The following AOPEP variants were observed in gnomAD, a reference collection of about 807,000 sequenced individuals.
AOPEP encodes aminopeptidase O.
Under a neutral mutation model 98.1 loss-of-function variants are expected in AOPEP, and 77 were observed. The ratio of observed to expected loss-of-function variants is 0.78; its 90% CI spans 0.65 to 0.95. The LOEUF (loss-of-function observed/expected upper bound fraction) is 0.95, where lower values mean the gene tolerates loss of function less well. AOPEP is among the 40% of genes least tolerant of loss of function. The pLI is 0.00. For missense variants in AOPEP, 1,024 were observed against 1,024.7 expected, an observed-to-expected ratio of 1.00 and a Z score of 0.01; for synonymous variants, 346 against 365.3, an observed-to-expected ratio of 0.95 and a Z score of 0.60.
At chr9:94,984,156 C>T (rs901959637) in intron 11 of AOPEP, among the ~76,000 whole-genome samples, 4 of 144,972 alleles carry the variant, frequency 2.8e-5, no homozygotes, top group African/African-American at 1.1e-4. Flanking sequence ...GCCTCAGGCT[C>T]CCAAGTAGCT....
At chr9:94,755,258 A>G (rs1836746647) in intron 1 of AOPEP, among the ~76,000 whole-genome samples, 1 of 152,188 alleles carries the variant, frequency 6.6e-6, no homozygotes, top group East Asian at 1.9e-4. Context: ...GTAATAGCCA[A>G]AAGTGCTGAA....
intron 1 of AOPEP, among the ~76,000 whole-genome samples, chr9:94,734,049 CT>C (rs1428966561): frequency 6.6e-6 from 1 of 152,048 alleles, no homozygotes; most frequent in Non-Finnish European, 1.5e-5. Context: ...ATCTGAATGC[CT>C]TTTATTTATT....
rs563619198 is a variant in AOPEP at position 95,009,670 on chromosome 9, G to A, written c.2115+4054G>A. Among the ~76,000 whole-genome samples the A allele has an allele frequency of 5.9e-5, 9 of 152,304 alleles. No homozygotes were observed. The South Asian group carries it at 1.9e-3, about 32-fold the overall frequency. On this transcript the variant is annotated intron_variant, in intron 13 of 16. Coordinates refer to ENST00000375315, the MANE Select transcript of AOPEP (RefSeq NM_001193329.3). ...GATTGTCAGCTGTCTGTTAGGATTA[G>A]TCACAACAAACATGGTGCAAATGGT...
chr9:95,093,193 T>C, the AOPEP span, among the ~76,000 whole-genome samples: 2 of 152,200 alleles, frequency 1.3e-5, no homozygotes, highest in African/African-American at 2.4e-5. Flanking sequence ...TTAGCACAGC[T>C]GAGGCAGAGG....
At chr9:94,872,329 A>C (rs1243341008) in intron 5 of AOPEP, among the ~76,000 whole-genome samples, 2 of 152,070 alleles carry the variant, frequency 1.3e-5, no homozygotes, top group Non-Finnish European at 2.9e-5. Context: ...CTAACCCCTC[A>C]TTTTACAGAG....
At chr9:95,053,031 C>T (rs1248371274) in intron 13 of AOPEP, among the ~76,000 whole-genome samples, 1 of 152,142 alleles carries the variant, frequency 6.6e-6, no homozygotes, top group African/African-American at 2.4e-5. Flanking sequence ...ACCGGGCCAG[C>T]TTTAGAGAAA....
chr9:95,140,615 C>A, the AOPEP span, among the ~76,000 whole-genome samples: 1 of 152,110 alleles, frequency 6.6e-6, no homozygotes, highest in Admixed American at 6.5e-5. Context: ...GCTTCCTCAG[C>A]CAAGACAAAG....
At chr9:95,086,418 G>T in intron 16 of AOPEP, 1 of 985,412 alleles carries the variant, frequency 1.0e-6, no homozygotes, top group African/African-American at 1.7e-5. Flanking sequence ...GAGTGGGTGC[G>T]TGTCTGAAAT....
chr9:94,961,535 T>C (rs1364225487), intron 9 of AOPEP, among the ~76,000 whole-genome samples: 1 of 152,210 alleles, frequency 6.6e-6, no homozygotes, highest in Non-Finnish European at 1.5e-5. Context: ...TTATTGTTAG[T>C]GTTATTTTCC....
intron 5 of AOPEP, among the ~76,000 whole-genome samples, chr9:94,896,336 G>A (rs2049558871): frequency 1.3e-5 from 2 of 152,216 alleles, no homozygotes; most frequent in Non-Finnish European, 2.9e-5. Flanking sequence ...AGAATCTCCT[G>A]TACTGAATTC....
At chr9:95,042,201 A>C (rs1467417536) in intron 13 of AOPEP, among the ~76,000 whole-genome samples, 3 of 152,028 alleles carry the variant, frequency 2.0e-5, no homozygotes, top group African/African-American at 7.2e-5. Flanking sequence ...AGTCCCAGCT[A>C]CTCGGGAGGC....
chr9:94,748,079 T>C (rs796380077), intron 1 of AOPEP, among the ~76,000 whole-genome samples: 7 of 152,310 alleles, frequency 4.6e-5, no homozygotes, highest in African/African-American at 1.7e-4. Flanking sequence ...AAAGACTTTC[T>C]AATAAATTAA....
rs188922641 is a variant in AOPEP, at chr9:94,855,479, G to C, written c.1364+54477G>C. Among the ~76,000 whole-genome samples, 805 of 152,020 alleles carry C rather than the reference G, an allele frequency of 5.3e-3. 8 individuals carry two copies. Among genetic ancestry groups the C allele is most frequent in the African/African-American group, 0.019 (770 of 41,540 alleles). On this transcript the variant is annotated intron_variant, in intron 5 of 16. Transcript: ENST00000375315. ...TGAGGCGGGCGGATCACCTGAGGTC[G>C]GGAGTTCGAGACCAGCCTGACCAAC... is the stretch of plus-strand genomic sequence containing the variant.
chr9:94,877,744 C>T (rs1346549883), intron 5 of AOPEP, among the ~76,000 whole-genome samples: 2 of 152,142 alleles, frequency 1.3e-5, no homozygotes, highest in East Asian at 3.9e-4. Context: ...AATCTGGTAA[C>T]ATTATACAAG....
At chr9:94,819,034 C>T (rs1852358878) in intron 5 of AOPEP, among the ~76,000 whole-genome samples, 1 of 152,106 alleles carries the variant, frequency 6.6e-6, no homozygotes, top group African/African-American at 2.4e-5. Context: ...AAAAAGAAAT[C>T]TTGTACCTGA....
the AOPEP span, among the ~76,000 whole-genome samples, chr9:95,094,969 T>C: frequency 2.0e-5 from 3 of 152,362 alleles, no homozygotes; most frequent in East Asian, 1.9e-4. Flanking sequence ...CATCCTGCCA[T>C]ACACACAGAC....
chr9:95,045,973 G>T lies in AOPEP; in HGVS notation c.2116-14721G>T, dbSNP rs529653582. On this transcript the variant is annotated intron_variant, in intron 13 of 16. Transcript: ENST00000375315. ...TGAACAACGGTAGGAACGCAGGGTA[G>T]GTGCTCAGGTGGCACGAGCACTGCT... Among the ~76,000 whole-genome samples the T allele has an allele frequency of 2.0e-5, 3 of 152,334 alleles. No homozygotes were observed. In the South Asian group the frequency reaches 6.2e-4, roughly 32 times the overall value.
chr9:95,078,194 C>T (rs937458570), intron 14 of AOPEP, among the ~76,000 whole-genome samples: 12 of 152,106 alleles, frequency 7.9e-5, no homozygotes, highest in South Asian at 2.1e-4. Context: ...ACTTCAGATC[C>T]GTGGTGAAAG....
chr9:94,774,095 ATGGCATCTCCTTT>A (rs1841515392), intron 3 of AOPEP, among the ~76,000 whole-genome samples: 2 of 152,046 alleles, frequency 1.3e-5, no homozygotes, highest in African/African-American at 4.8e-5. Context: ...TATTTAAAAT[ATGGCATCTCCTTT>A]GAGACCATCC....
Sources: allele counts gnomAD v4.1 joint callset (sites outside exome capture counted in the v4.1 genomes callset), GRCh38; gene constraint gnomAD v4.1.1; transcripts MANE v1.5; gene names NCBI Gene and HGNC (gene_info 2026-07-23, HGNC 2026-07-21).